The following RHOQ variants were observed in gnomAD, a reference collection of about 807,000 sequenced individuals.
RHOQ encodes ras homolog family member Q.
A neutral mutation model predicts 25.8 loss-of-function variants in RHOQ; 7 were observed. The ratio of observed to expected loss-of-function variants is 0.27; its 90% CI spans 0.15 to 0.51. The LOEUF (loss-of-function observed/expected upper bound fraction) is 0.51. RHOQ is among the 20% of genes least tolerant of loss of function. The probability of loss-of-function intolerance (pLI) is 0.97; values close to 1 mark genes in which losing one functional copy is unlikely to be tolerated. For synonymous variants in RHOQ, 97 were observed against 98.6 expected (o/e 0.98, Z 0.10); for missense variants, 165 against 260.6 (o/e 0.63, Z 2.53).
In RHOQ at chr2:46,581,494, G is replaced by A. The variant is rs769778617; in HGVS notation, c.*411G>A. Reference sequence around the variant, plus strand: ...TTGCTCCAGTTAATTGTTCTTGTATGTAAGTTGCTTTCTATTCCAGTATAT... The same window carrying A: ...TTGCTCCAGTTAATTGTTCTTGTATATAAGTTGCTTTCTATTCCAGTATAT... On this transcript the variant is annotated 3_prime_UTR_variant, in exon 5 of 5. Coordinates refer to ENST00000238738, the MANE Select transcript of RHOQ (RefSeq NM_012249.4). 1.9e-6 allele frequency: 3 copies of A among 1,611,212 alleles called. No individual in the cohort carries two copies. The highest frequency in any genetic ancestry group is 2.2e-5 in the South Asian group (2 of 90,908).
chr2:46,549,401 G>A (rs1000142917), intron 2 of RHOQ, among the ~76,000 whole-genome samples: 5 of 152,140 alleles, frequency 3.3e-5, no homozygotes, highest in African/African-American at 1.2e-4. Context: ...GGTTTCAAGA[G>A]ATTAGATCTA....
Position 46,556,620 on chromosome 2 carries a change from C to T in RHOQ, c.201+12808C>T, listed in dbSNP as rs1668418240. On this transcript the variant is annotated intron_variant, in intron 2 of 4. Transcript: ENST00000238738. The surrounding 1 kb of genome is among the most constrained non-coding windows in gnomAD (Gnocchi z 4.9). Reference sequence around the variant, plus strand: ...CTTTATTTATCAAACATATAAATATCCATTAAACATAAGAGTGAGGTGAGG... The same window carrying T: ...CTTTATTTATCAAACATATAAATATTCATTAAACATAAGAGTGAGGTGAGG... Among the ~76,000 whole-genome samples the T allele has an allele frequency of 1.3e-5, 2 of 151,986 alleles. No individual in the cohort carries two copies. The highest frequency in any genetic ancestry group is 4.1e-4 in the South Asian group (2 of 4,820).
At position 46,575,313 on chromosome 2, in the gene RHOQ, C is replaced by G. The variant is rs372335676; in HGVS notation, c.202-774C>G. Among the ~76,000 whole-genome samples the G allele has an allele frequency of 2.6e-3, 387 of 151,300 alleles. 1 individual carries two copies. Among genetic ancestry groups the G allele is most frequent in the African/African-American group, 8.4e-3 (348 of 41,264 alleles). ...ATAGAAAAAGAACTGGAAGAATAAA[C>G]ATGAAAATATTAAGTAGAGGGAATG... On this transcript the variant is annotated intron_variant, in intron 2 of 4. Coordinates refer to ENST00000238738, the MANE Select transcript of RHOQ (RefSeq NM_012249.4).
intron 2 of RHOQ, among the ~76,000 whole-genome samples, chr2:46,559,050 T>A (rs1668489439): frequency 6.6e-6 from 1 of 152,164 alleles, no homozygotes. Flanking sequence ...ACCTCCCAGG[T>A]TCAAGTGATC....
At chr2:46,561,106 G>A (rs1258799239) in intron 2 of RHOQ, among the ~76,000 whole-genome samples, 1 of 151,582 alleles carries the variant, frequency 6.6e-6, no homozygotes, top group Non-Finnish European at 1.5e-5. Context: ...ACAGGTATGT[G>A]TGTGTGCGCA....
chr2:46,542,669 GCCGCCTGGCCCCTCCCCT>G lies in RHOQ; in HGVS notation c.-372_-355del, dbSNP rs1418460707. The G allele has an allele frequency of 6.8e-6, 1 of 146,614 alleles. No homozygotes were observed. Among genetic ancestry groups the G allele is most frequent in the East Asian group, 2.0e-4 (1 of 5,112 alleles). The allele number at this position is 146,614 out of a possible 1,614,324, so 9.1% of individuals were successfully genotyped here. ...CCCGGGTTGGCGCGGGGCGGGGAGA[GCCGCCTGGCCCCTCCCCT>G]CCGCCGCCCTCCCCAAAGTTGCCGT... On this transcript the variant is annotated 5_prime_UTR_variant, in exon 1 of 5. Coordinates refer to ENST00000238738, the MANE Select transcript of RHOQ (RefSeq NM_012249.4).
At position 46,580,981 on chromosome 2, in the gene RHOQ, G is replaced by A. The variant is rs755258293; in HGVS notation, c.516G>A (p.Lys172=). The change falls in exon 5 of 5, where the codon AAG becomes AAA. Residue 172 remains lysine (K), a synonymous_variant. Transcript: ENST00000238738. ...ECSALTQKGL[K]TVFDEAIIAI... Reference sequence around the variant, plus strand: ...CAGCTTTAACCCAGAAGGGATTGAAGACTGTTTTTGATGAGGCTATCATAG... The same window carrying A: ...CAGCTTTAACCCAGAAGGGATTGAAAACTGTTTTTGATGAGGCTATCATAG... The A allele has an allele frequency of 1.3e-6, 2 of 1,581,760 alleles. No homozygotes were observed. The highest frequency in any genetic ancestry group is 2.3e-4 in the Middle Eastern group (1 of 4,318).
At chr2:46,573,459 C>T (rs1311099175) in intron 2 of RHOQ, among the ~76,000 whole-genome samples, 8 of 152,214 alleles carry the variant, frequency 5.3e-5, no homozygotes, top group African/African-American at 1.9e-4. Flanking sequence ...GAGGTCTAAA[C>T]ATATGTGTGT....
At chr2:46,543,720 G>A (rs543843160) in intron 1 of RHOQ, 34 bp from the exon 2 acceptor site, 6 of 1,602,620 alleles carry the variant, frequency 3.7e-6, no homozygotes, top group Admixed American at 1.7e-5. Context: ...GTCACTGTGA[G>A]CTTCTCTCCC....
chr2:46,560,752 G>C, intron 2 of RHOQ: 1 of 350,160 alleles, frequency 2.9e-6, no homozygotes, highest in Non-Finnish European at 6.0e-6. Flanking sequence ...CGTAGAGTCT[G>C]TATAGACCAT....
intron 2 of RHOQ, among the ~76,000 whole-genome samples, chr2:46,547,531 G>A (rs1358468706): frequency 6.6e-6 from 1 of 152,258 alleles, no homozygotes; most frequent in Non-Finnish European, 1.5e-5. Context: ...GAGCACCACT[G>A]CCAAAGGGAA....
chr2:46,578,908 G>A (rs369853809), intron 4 of RHOQ, among the ~76,000 whole-genome samples: 42 of 143,310 alleles, frequency 2.9e-4, no homozygotes, highest in African/African-American at 1.1e-3. Context: ...GTGTGTGTGT[G>A]TATATGTATA....
chr2:46,558,973 A>G (rs1251072186), intron 2 of RHOQ, among the ~76,000 whole-genome samples: 1 of 151,862 alleles, frequency 6.6e-6, no homozygotes. Context: ...GTTTTGTTTG[A>G]GACAGGCTCT....
rs1254696141 is a variant in RHOQ, at chr2:46,569,074, T to G, written c.202-7013T>G. The stretch of plus-strand genomic sequence containing the variant: ...TCTAAATCCTTTACAACTGGGGAAG[T>G]CACCTCACCATGCACAGAAGAAATA... On this transcript the variant is annotated intron_variant, in intron 2 of 4. Transcript: ENST00000238738. This position sits in a 1 kb window ranked among gnomAD's most constrained non-coding sequence, Gnocchi z 4.1. 6.6e-6 allele frequency: 1 copy of G among 152,246 alleles called. No individual in the cohort carries two copies. Among genetic ancestry groups the G allele is most frequent in the Non-Finnish European group, 1.5e-5 (1 of 68,042 alleles). 9.4% of individuals were successfully genotyped at this position (152,246 alleles called of 1,614,324 possible). A position where few individuals can be genotyped will look rare whatever the true frequency, so the allele number is the denominator to read the frequency against.
At position 46,543,553 on chromosome 2, in the gene RHOQ, C is replaced by T. The variant is rs1033690289; in HGVS notation, c.143-201C>T. On this transcript the variant is annotated intron_variant, in intron 1 of 4. Coordinates refer to ENST00000238738, the MANE Select transcript of RHOQ (RefSeq NM_012249.4). ...ACGGGACTTGGGAGAAGGGGGTGGA[C>T]GGCTGGGGACCACATCACACCCCGG... 4 of 612,326 alleles carry T rather than the reference C, an allele frequency of 6.5e-6. No homozygotes were observed. The African/African-American group carries it at 7.4e-5, about 11-fold the overall frequency. The allele number at this position is 612,326 out of a possible 1,614,324, so 37.9% of individuals were successfully genotyped here. A position where few individuals can be genotyped will look rare whatever the true frequency, so the allele number is the denominator to read the frequency against.
Position 46,580,914 on chromosome 2 carries a change from T to C in RHOQ, c.463-14T>C. 5 of 1,464,954 alleles carry C rather than the reference T, an allele frequency of 3.4e-6. No individual in the cohort carries two copies. The highest frequency in any genetic ancestry group is 4.5e-6 in the Non-Finnish European group (5 of 1,108,202). The allele number at this position is 1,464,954 out of a possible 1,614,324, so 90.7% of individuals were successfully genotyped here. A position where few individuals can be genotyped will look rare whatever the true frequency, so the allele number is the denominator to read the frequency against. On this transcript the variant is annotated splice_polypyrimidine_tract_variant and intron_variant, in intron 4 of 4. Transcript: ENST00000238738. ...ATGATCTTATATATTTGTGATTTTT[T>C]TTCTCCCTCCCAGATAGGAGCATGC...
At chr2:46,561,546 T>G (rs146250576) in intron 2 of RHOQ, among the ~76,000 whole-genome samples, 31 of 152,290 alleles carry the variant, frequency 2.0e-4, no homozygotes, top group African/African-American at 7.2e-4. Context: ...TTTGGACTTC[T>G]AAAGGGCACG....
At chr2:46,558,683 G>A (rs1272777634) in intron 2 of RHOQ, among the ~76,000 whole-genome samples, 1 of 152,128 alleles carries the variant, frequency 6.6e-6, no homozygotes, top group Non-Finnish European at 1.5e-5. Flanking sequence ...AATTTTCCTG[G>A]ATTATTTCTT....
chr2:46,543,651 C>G, intron 1 of RHOQ, 103 bp from the exon 2 acceptor site: 17 of 1,018,636 alleles, frequency 1.7e-5, no homozygotes, highest in Non-Finnish European at 2.3e-5. Context: ...GCCCCCACGC[C>G]TCTAGCTGGG....
Sources: allele counts gnomAD v4.1 joint callset (sites outside exome capture counted in the v4.1 genomes callset), GRCh38; gene constraint gnomAD v4.1.1; non-coding constraint Gnocchi (gnomAD v3.1); transcripts MANE v1.5; gene names NCBI Gene and HGNC (gene_info 2026-07-23, HGNC 2026-07-21).